Variants in MACF1 observed in about 807,000 individuals in gnomAD.
The protein encoded by MACF1 is microtubule actin crosslinking factor 1.
MACF1 carries 193 observed loss-of-function variants against 854.8 expected under a neutral mutation model. That is an observed-to-expected ratio of 0.23 (90% CI 0.20 to 0.25). The LOEUF is 0.25. Among genes scored for constraint, MACF1 ranks in the 10% least tolerant of loss-of-function variants. The probability of loss-of-function intolerance (pLI) is 1.00; values close to 1 mark genes in which losing one functional copy is unlikely to be tolerated. For synonymous variants in MACF1, 3,185 were observed against 3,226.7 expected (o/e 0.99, Z 0.44); for missense variants, 7,722 against 8,929.1 (o/e 0.86, Z 5.45).
At chr1:39,459,867 G>A (rs760927435) in intron 91 of MACF1, 1 of 1,301,974 alleles carries the variant, frequency 7.7e-7, no homozygotes, top group Admixed American at 2.3e-5. Flanking sequence ...TTTTTCCTTA[G>A]GTCAGTTGAC....
intron 100 of MACF1, 152 bp downstream of exon 100, chr1:39,484,882 T>C (rs987821756): frequency 1.2e-4 from 103 of 832,500 alleles, no homozygotes; most frequent in Admixed American, 1.1e-3. Flanking sequence ...CAAGTGACCT[T>C]TACTTTTTCT....
chr1:39,408,928 C>T (rs1642840649), intron 58 of MACF1, among the ~76,000 whole-genome samples: 1 of 151,562 alleles, frequency 6.6e-6, no homozygotes. Flanking sequence ...TCTCCCCGGC[C>T]CCGCCCCCGC....
chr1:39,285,308 T>C lies in MACF1; in HGVS notation c.1271T>C (p.Leu424Pro). 1.2e-6 allele frequency: 2 copies of C among 1,614,210 alleles called. No individual in the cohort carries two copies. The highest frequency in any genetic ancestry group is 1.7e-6 in the Non-Finnish European group (2 of 1,180,034). Residue 424 changes from leucine (L) to proline (P), a missense_variant, in exon 13 of 101, where the codon CTG (leucine) becomes CCG (proline). Around this residue, in one of 15 missense-constraint regions of MACF1, gnomAD observed 1,137 missense variants for 1,263.0 expected, o/e 0.90. Coordinates refer to ENST00000564288, the MANE Select transcript of MACF1 (RefSeq NM_001394062.1). ...TTATCTTATTTCAGGCTGGAATTGC[T>C]GCTACAGATTGCAAACAAAATCCAG... ...LRPAVERLELLLQIANKIQNG... is the reference protein window; with the variant it reads ...LRPAVERLELPLQIANKIQNG...
At position 39,254,350 on chromosome 1, in the gene MACF1, C is replaced by T. The variant is rs1271491854; in HGVS notation, c.410C>T (p.Ala137Val). Residue 137 changes from alanine (A) to valine (V), a missense_variant, in exon 5 of 101, where the codon GCC (alanine) becomes GTC (valine). By Grantham distance (64) the Ala-to-Val change is moderately conservative. Coordinates refer to ENST00000564288, the MANE Select transcript of MACF1 (RefSeq NM_001394062.1). ...CATAGGCTGCAGAATGTGCAGATTG[C>T]CCTGGACTTCCTAAAGCAGCGACAG... is the stretch of plus-strand genomic sequence containing the variant. Reference protein sequence around the residue: ...RFHRLQNVQIALDFLKQRQVK... With the variant: ...RFHRLQNVQIVLDFLKQRQVK... 1.2e-6 allele frequency: 2 copies of T among 1,614,132 alleles called. No homozygotes were observed. Among genetic ancestry groups the T allele is most frequent in the Non-Finnish European group, 1.7e-6 (2 of 1,180,006 alleles).
At chr1:39,126,384 A>G (rs1161881762) in intron 2 of MACF1, among the ~76,000 whole-genome samples, 1 of 152,220 alleles carries the variant, frequency 6.6e-6, no homozygotes, top group African/African-American at 2.4e-5. Context: ...GCCTTTTCGA[A>G]TGACCTCATC....
intron 21 of MACF1, 45 bp downstream of exon 21, chr1:39,297,790 T>C (rs1397157825): frequency 6.2e-7 from 1 of 1,605,974 alleles, no homozygotes; most frequent in South Asian, 1.1e-5. Flanking sequence ...AGAAAGAGAG[T>C]AAACCATATC....
chr1:39,166,905 T>G (rs1246432500), intron 2 of MACF1, among the ~76,000 whole-genome samples: 1 of 152,138 alleles, frequency 6.6e-6, no homozygotes, highest in African/African-American at 2.4e-5. Context: ...CCAGTAAGTA[T>G]GTACCTGATT....
At chr1:39,173,763 G>A (rs1643986016) in intron 2 of MACF1, among the ~76,000 whole-genome samples, 1 of 152,094 alleles carries the variant, frequency 6.6e-6, no homozygotes, top group Non-Finnish European at 1.5e-5. Context: ...GGATACAAGA[G>A]CCCAAAGCAC....
chr1:39,250,971 A>G (rs1239022827), intron 3 of MACF1, among the ~76,000 whole-genome samples: 2 of 152,222 alleles, frequency 1.3e-5, no homozygotes, highest in South Asian at 4.1e-4. Context: ...TACTGGAAAT[A>G]TCTGTGGAGA....
Position 39,282,152 on chromosome 1 carries a change from G to C in MACF1, c.529-56G>C, listed in dbSNP as rs376911590. ...AGCCATAATGTATGGAGAAGAGAAG[G>C]CTAAAAGACTTTGTCTTATTTATAA... On this transcript the variant is annotated intron_variant, in intron 6 of 100. Transcript: ENST00000564288. The C allele has an allele frequency of 3.4e-5, 53 of 1,575,484 alleles. No homozygotes were observed. In the South Asian group the frequency reaches 5.4e-4, roughly 16 times the overall value.
rs749031489 is a variant in MACF1 at position 39,427,992 on chromosome 1, C to G, written c.16508C>G (p.Thr5503Arg). Residue 5503 changes from threonine (T) to arginine (R), a missense_variant, in exon 63 of 101, where the codon ACA becomes AGA. By Grantham distance (71) the Thr-to-Arg change is moderately conservative (BLOSUM62 -1). This residue lies in a region of MACF1 where 2,807 missense variants were observed against 3,235.8 expected (regional missense o/e 0.87). Transcript: ENST00000564288. ...ALEEDIENHA[T>R]DVHQAVKIGQ... Reference sequence around the variant, plus strand: ...GAAGAAGACATAGAAAACCATGCAACAGATGTGCACCAGGCAGTCAAAATT... The same window carrying G: ...GAAGAAGACATAGAAAACCATGCAAGAGATGTGCACCAGGCAGTCAAAATT... 15 of 1,613,844 alleles carry G rather than the reference C, an allele frequency of 9.3e-6. No homozygotes were observed. The highest frequency in any genetic ancestry group is 1.2e-5 in the Non-Finnish European group (14 of 1,179,908).
intron 2 of MACF1, among the ~76,000 whole-genome samples, chr1:39,088,813 G>A (rs144896814): frequency 5.9e-4 from 90 of 152,280 alleles, no homozygotes; most frequent in African/African-American, 2.1e-3. Flanking sequence ...TTGGGGGTGC[G>A]ATTCACATCA....
intron 2 of MACF1, among the ~76,000 whole-genome samples, chr1:39,134,540 C>T (rs1281336191): frequency 6.6e-6 from 1 of 152,072 alleles, no homozygotes; most frequent in East Asian, 1.9e-4. Context: ...GGAAAGGAAC[C>T]CTGGCTTTGG....
chr1:39,234,999 G>A (rs1182803574), intron 2 of MACF1, among the ~76,000 whole-genome samples: 5 of 151,644 alleles, frequency 3.3e-5, no homozygotes, highest in East Asian at 2.0e-4. Context: ...GCGGCCGGGC[G>A]GAGACGCTCC....
chr1:39,254,467 CA>C, intron 5 of MACF1, 92 bp downstream of exon 5: 1 of 1,085,702 alleles, frequency 9.2e-7, no homozygotes, highest in Non-Finnish European at 1.4e-6. Context: ...AGTAAGCTCT[CA>C]GTAAATGCTA....
Position 39,361,451 on chromosome 1 carries a change from C to G in MACF1, c.12545C>G (p.Thr4182Arg), listed in dbSNP as rs377017457. ...TTCATGGAGACAGCAGACAGTACTA[C>G]AGCAGCAGTGCTGCAGGGCAAACTG... ...TRFMETADST[T>R]AAVLQGKLAE... Residue 4182 changes from threonine (T) to arginine (R), a missense_variant, in exon 49 of 101, where the codon ACA (threonine) becomes AGA (arginine). Physicochemically the swap from Thr to Arg is moderately conservative, Grantham distance 71. Around this residue, in one of 15 missense-constraint regions of MACF1, gnomAD observed 2,807 missense variants for 3,235.8 expected, o/e 0.87. Transcript: ENST00000564288. The G allele has an allele frequency of 1.0e-4, 166 of 1,614,078 alleles. No individual in the cohort carries two copies. Among genetic ancestry groups the G allele is most frequent in the Non-Finnish European group, 1.3e-4 (151 of 1,180,044 alleles).
At chr1:39,445,450 C>G (rs1644207463) in intron 80 of MACF1, among the ~76,000 whole-genome samples, 1 of 152,214 alleles carries the variant, frequency 6.6e-6, no homozygotes, top group Non-Finnish European at 1.5e-5. Flanking sequence ...ACCACATTCA[C>G]TCAATGAATA....
intron 2 of MACF1, among the ~76,000 whole-genome samples, chr1:39,116,659 G>A (rs1428207607): frequency 1.3e-5 from 2 of 152,054 alleles, no homozygotes; most frequent in East Asian, 3.8e-4. Context: ...TACTCCTCTG[G>A]GAAGAAGCAT....
At chr1:39,368,380 C>A in intron 50 of MACF1, 66 bp downstream of exon 50, 1 of 1,450,930 alleles carries the variant, frequency 6.9e-7, no homozygotes, top group Non-Finnish European at 9.5e-7. Flanking sequence ...GTGAAATGAT[C>A]TTTTCTCTTT....
Sources: allele counts gnomAD v4.1 joint callset (sites outside exome capture counted in the v4.1 genomes callset), GRCh38; gene constraint gnomAD v4.1.1; regional missense constraint gnomAD v4.1.1; transcripts MANE v1.5; gene names NCBI Gene and HGNC (gene_info 2026-07-23, HGNC 2026-07-21).